Variants in SLC4A5 observed in about 807,000 individuals in gnomAD.
The protein encoded by SLC4A5 is electrogenic sodium bicarbonate cotransporter 4.
In SLC4A5, 96 loss-of-function variants were observed where a neutral mutation model predicts 120.4. The observed-to-expected ratio is 0.80, with a 90% CI of 0.68 to 0.94. The LOEUF is 0.94. Ranked by LOEUF, SLC4A5 falls within the 40% of genes least tolerant of loss-of-function variation. SLC4A5 has a pLI of 0.00. For missense variants in SLC4A5, 1,259 were observed against 1,459.5 expected, an observed-to-expected ratio of 0.86 and a Z score of 2.24; for synonymous variants, 550 against 571.1, an observed-to-expected ratio of 0.96 and a Z score of 0.53.
intron 7 of SLC4A5, among the ~76,000 whole-genome samples, chr2:74,291,154 C>T (rs916976522): frequency 1.1e-4 from 16 of 152,194 alleles, no homozygotes; most frequent in Non-Finnish European, 8.8e-5. Context: ...ACTTCCTGTT[C>T]CTCCACCTCT....
chr2:74,315,155 T>C (rs898205802), intron 5 of SLC4A5, 130 bp from the exon 6 acceptor site: 3 of 777,720 alleles, frequency 3.9e-6, no homozygotes, highest in South Asian at 1.5e-5. Context: ...CAAAAGGACA[T>C]ATAACTGGGT....
At chr2:74,239,658 C>A (rs148869949) in intron 20 of SLC4A5, 123 bp from the exon 21 acceptor site, 1 of 886,408 alleles carries the variant, frequency 1.1e-6, no homozygotes. Flanking sequence ...CCCAGCCCCC[C>A]AGAGTGATGT....
chr2:74,337,787 C>T (rs1181636715), intron 3 of SLC4A5, among the ~76,000 whole-genome samples: 2 of 152,248 alleles, frequency 1.3e-5, no homozygotes, highest in East Asian at 1.9e-4. Context: ...AACTATCTGC[C>T]CCTGTTGTCT....
Position 74,250,334 on chromosome 2 carries a change from C to T in SLC4A5, c.1653+9G>A, listed in dbSNP as rs779143346. 27 of 1,613,300 alleles carry T rather than the reference C, an allele frequency of 1.7e-5. No individual in the cohort carries two copies. Among genetic ancestry groups the T allele is most frequent in the East Asian group, 2.2e-5 (1 of 44,882 alleles). On this transcript the variant is annotated intron_variant, in intron 17 of 30. Transcript: ENST00000394019. ...TACTTTTACACTCAGGGCACCGGCTCGCACACACCTGATAATTGTCGGTGG... is the reference window on the plus strand; with the variant it reads ...TACTTTTACACTCAGGGCACCGGCTTGCACACACCTGATAATTGTCGGTGG...
At chr2:74,250,784 T>C in intron 16 of SLC4A5, 1 of 376,512 alleles carries the variant, frequency 2.7e-6, no homozygotes, top group Non-Finnish European at 4.9e-6. Context: ...GGGGTAGACC[T>C]AACATTCCAT....
At chr2:74,326,544 C>T (rs1319728965) in intron 5 of SLC4A5, among the ~76,000 whole-genome samples, 1 of 152,118 alleles carries the variant, frequency 6.6e-6, no homozygotes, top group Non-Finnish European at 1.5e-5. Context: ...ACCTGGGCCA[C>T]GTGCAGTGGC....
At chr2:74,323,152 A>G (rs1221511694) in intron 5 of SLC4A5, among the ~76,000 whole-genome samples, 1 of 152,178 alleles carries the variant, frequency 6.6e-6, no homozygotes, top group Non-Finnish European at 1.5e-5. Flanking sequence ...AGACACGACA[A>G]TCATTTGAAC....
rs763512633 is a variant in SLC4A5, at chr2:74,222,864, T to G, written c.3331+4A>C. 1.9e-6 allele frequency: 3 copies of G among 1,608,680 alleles called. No homozygotes were observed. The East Asian group carries it at 6.7e-5, about 36-fold the overall frequency. On this transcript the variant is annotated splice_donor_region_variant and intron_variant, in intron 29 of 30. Transcript: ENST00000394019. ...AAGGGAGAGACATCATGTGTTTTAC[T>G]TACTGGCAATGCAGTGGATACCGTT... is the stretch of plus-strand genomic sequence containing the variant.
intron 3 of SLC4A5, among the ~76,000 whole-genome samples, chr2:74,334,647 T>TAG (rs1673439920): frequency 6.6e-6 from 1 of 152,202 alleles, no homozygotes; most frequent in Non-Finnish European, 1.5e-5. Flanking sequence ...TTCACTGATG[T>TAG]ATCTCTGATA....
At chr2:74,256,353 TG>T (rs1390726065) in intron 12 of SLC4A5, among the ~76,000 whole-genome samples, 1 of 152,180 alleles carries the variant, frequency 6.6e-6, no homozygotes, top group African/African-American at 2.4e-5. Flanking sequence ...TTGGTAGCTG[TG>T]GGGAGGAGGA....
chr2:74,270,272 C>T (rs576903877), intron 8 of SLC4A5, among the ~76,000 whole-genome samples: 3 of 152,372 alleles, frequency 2.0e-5, no homozygotes, highest in Non-Finnish European at 2.9e-5. Context: ...AGAAATTTAG[C>T]TCACTTTCAC....
chr2:74,252,401 G>C lies in SLC4A5; in HGVS notation c.1269-13C>G. 6.2e-7 allele frequency: 1 copy of C among 1,605,952 alleles called. No individual in the cohort carries two copies. Among genetic ancestry groups the C allele is most frequent in the Non-Finnish European group, 8.5e-7 (1 of 1,173,756 alleles). On this transcript the variant is annotated splice_polypyrimidine_tract_variant and intron_variant, in intron 15 of 30. Coordinates refer to ENST00000394019, the Ensembl canonical transcript of SLC4A5. ...GAACACAGATTTCCTGGAAGAGAAG[G>C]GGGATGAAGGAGAGTGGGTCCCCCA... is the stretch of plus-strand genomic sequence containing the variant.
At chr2:74,288,066 T>A (rs1672040622) in intron 7 of SLC4A5, among the ~76,000 whole-genome samples, 1 of 152,154 alleles carries the variant, frequency 6.6e-6, no homozygotes, top group African/African-American at 2.4e-5. Flanking sequence ...AAACTGACAG[T>A]TCAAAGGTGT....
chr2:74,301,234 T>C (rs1341799003), intron 7 of SLC4A5, among the ~76,000 whole-genome samples: 1 of 152,234 alleles, frequency 6.6e-6, no homozygotes, highest in African/African-American at 2.4e-5. Flanking sequence ...TAGTTAAAAA[T>C]GATATTGAAC....
chr2:74,326,554 C>T (rs1673220978), intron 5 of SLC4A5, among the ~76,000 whole-genome samples: 1 of 152,234 alleles, frequency 6.6e-6, no homozygotes, highest in Non-Finnish European at 1.5e-5. Context: ...CGTGCAGTGG[C>T]TCACGCCTGT....
At chr2:74,221,302 C>T (rs1694635595) in intron 30 of SLC4A5, 132 bp downstream of exon 30, 1 of 614,882 alleles carries the variant, frequency 1.6e-6, no homozygotes, top group Non-Finnish European at 2.8e-6. Flanking sequence ...CAGCCTTTGA[C>T]TCCCAGTTGG....
intron 7 of SLC4A5, among the ~76,000 whole-genome samples, chr2:74,289,454 G>T (rs960693985): frequency 6.6e-6 from 1 of 152,018 alleles, no homozygotes; most frequent in African/African-American, 2.4e-5. Context: ...GCAGCTGGGA[G>T]TACTAGCTCA....
chr2:74,230,541 T>G (rs1469253760), intron 25 of SLC4A5, among the ~76,000 whole-genome samples: 1 of 152,120 alleles, frequency 6.6e-6, no homozygotes, highest in African/African-American at 2.4e-5. Context: ...ATGTTTGGCC[T>G]CCTGCTGCAA....
Position 74,279,514 on chromosome 2 carries a change from C to T in SLC4A5, c.401+6259G>A, listed in dbSNP as rs11883995. Reference sequence around the variant, plus strand: ...TACTGAAGTTCCTAGGGGCTCTGTTCTGGGCTCTCTTCTCACTTCACAGAC... The same window carrying T: ...TACTGAAGTTCCTAGGGGCTCTGTTTTGGGCTCTCTTCTCACTTCACAGAC... On this transcript the variant is annotated intron_variant, in intron 8 of 30. Transcript: ENST00000394019. Among the ~76,000 whole-genome samples, 903 of 152,210 alleles carry T rather than the reference C, an allele frequency of 5.9e-3. 6 individuals carry two copies. Among genetic ancestry groups the T allele is most frequent in the African/African-American group, 0.02 (847 of 41,536 alleles).
Sources: gnomAD v4.1 joint callset for allele counts (sites outside exome capture counted in the v4.1 genomes callset) on GRCh38, gnomAD v4.1.1 for gene constraint, MANE v1.5 for transcripts, NCBI Gene and HGNC (gene_info 2026-07-23, HGNC 2026-07-21) for gene names.